Variants in NINL observed in about 807,000 individuals in gnomAD.
NINL encodes the protein ninein like.
In NINL, 153 loss-of-function variants were observed where a neutral mutation model predicts 160.3. That is an observed-to-expected ratio of 0.95 (90% CI 0.84 to 1.09). NINL has a LOEUF of 1.09. Ranked by LOEUF, NINL falls within the 50% of genes least tolerant of loss-of-function variation. NINL has a pLI of 0.00. For synonymous variants in NINL, 800 were observed against 734.8 expected (o/e 1.09, Z -1.43); for missense variants, 1,829 against 1,764.0 (o/e 1.04, Z -0.66).
intron 1 of NINL, among the ~76,000 whole-genome samples, chr20:25,535,773 C>A (rs1020986360): frequency 6.6e-6 from 1 of 152,150 alleles, no homozygotes; most frequent in African/African-American, 2.4e-5. Flanking sequence ...TCTCCTACAG[C>A]ACTTTTATCT....
At chr20:25,454,337 G>A (rs1270215962) in intron 23 of NINL, among the ~76,000 whole-genome samples, 1 of 152,198 alleles carries the variant, frequency 6.6e-6, no homozygotes, top group African/African-American at 2.4e-5. Flanking sequence ...AGGACAGGCA[G>A]TACTGAGGCC....
chr20:25,539,349 G>C (rs2064619330), intron 1 of NINL, among the ~76,000 whole-genome samples: 1 of 152,238 alleles, frequency 6.6e-6, no homozygotes, highest in African/African-American at 2.4e-5. Context: ...CCAGCAACCT[G>C]GCCCATACCT....
chr20:25,506,415 A>G (rs2063962884), intron 5 of NINL, among the ~76,000 whole-genome samples: 1 of 152,252 alleles, frequency 6.6e-6, no homozygotes, highest in Non-Finnish European at 1.5e-5. Context: ...CTATGACAGC[A>G]GCCTGCCACA....
intron 19 of NINL, among the ~76,000 whole-genome samples, chr20:25,463,426 G>A (rs1328244541): frequency 6.6e-6 from 1 of 152,176 alleles, no homozygotes; most frequent in Non-Finnish European, 1.5e-5. Context: ...AGGGTACATA[G>A]GTTCATCAAA....
intron 1 of NINL, among the ~76,000 whole-genome samples, chr20:25,566,969 C>T (rs1376947165): frequency 7.5e-6 from 1 of 133,916 alleles, no homozygotes; most frequent in Non-Finnish European, 1.6e-5. Flanking sequence ...GCCTGGGCAA[C>T]ACAGTGAGAC....
chr20:25,537,298 G>A (rs2064575990), intron 1 of NINL, among the ~76,000 whole-genome samples: 1 of 151,988 alleles, frequency 6.6e-6, no homozygotes, highest in African/African-American at 2.4e-5. Context: ...ACCCAGGCTG[G>A]TCTCAAACTC....
At chr20:25,515,645 C>T (rs751676640) in intron 3 of NINL, among the ~76,000 whole-genome samples, 1 of 152,118 alleles carries the variant, frequency 6.6e-6, no homozygotes, top group Non-Finnish European at 1.5e-5. Context: ...ATTTAATTCC[C>T]AATGGTGGAG....
At chr20:25,495,299 C>T (rs1454759204) in intron 10 of NINL, among the ~76,000 whole-genome samples, 1 of 152,216 alleles carries the variant, frequency 6.6e-6, no homozygotes, top group Admixed American at 6.5e-5. Context: ...CTCCCATCTG[C>T]AGGCTCACCC....
At chr20:25,504,419 G>A (rs1047388557) in intron 6 of NINL, among the ~76,000 whole-genome samples, 6 of 152,212 alleles carry the variant, frequency 3.9e-5, no homozygotes, top group Non-Finnish European at 5.9e-5. Context: ...GCAAGGCCAG[G>A]CCCTGCAGTG....
rs899759756 is a variant in NINL, at chr20:25,461,566, G to A, written c.3652C>T (p.Pro1218Ser). Reference sequence around the variant, plus strand: ...AGGGTCTGGGTCAGCTCTGACCATGGCAGCTGCAGGCTCTGATGTTCCTGA... The same window carrying A: ...AGGGTCTGGGTCAGCTCTGACCATGACAGCTGCAGGCTCTGATGTTCCTGA... The part of the protein sequence containing the change: ...LNQEHQSLQL[P>S]WSELTQTLEE... Residue 1218 changes from proline (P) to serine (S), a missense_variant, in exon 21 of 24, where the codon CCA becomes TCA. Pro to Ser is a moderately conservative substitution (Grantham distance 74). Coordinates refer to ENST00000278886, the MANE Select transcript of NINL (RefSeq NM_025176.6). 1.1e-5 allele frequency: 18 copies of A among 1,605,454 alleles called. No individual in the cohort carries two copies. The highest frequency in any genetic ancestry group is 4.5e-5 in the East Asian group (2 of 44,786).
chr20:25,496,921 A>AGCGGGCACTGCTCCACCAGC, intron 9 of NINL, 118 bp from the exon 10 acceptor site: 1 of 1,320,392 alleles, frequency 7.6e-7, no homozygotes. Context: ...CCAACTATAC[A>AGCGGGCACTGCTCCACCAGC]GCGGGCACTG....
chr20:25,474,849 G>A (rs976110106), intron 17 of NINL, among the ~76,000 whole-genome samples: 1 of 151,078 alleles, frequency 6.6e-6, no homozygotes, highest in East Asian at 2.0e-4. Flanking sequence ...GCAGTGGCGC[G>A]ATCTCAAAAC....
intron 2 of NINL, among the ~76,000 whole-genome samples, chr20:25,519,894 C>G (rs1355589500): frequency 1.4e-5 from 2 of 144,770 alleles, no homozygotes; most frequent in East Asian, 4.7e-4. Context: ...GACCCAGCTA[C>G]CTGGGGGGCT....
chr20:25,576,551 C>T (rs529073083), intron 1 of NINL, among the ~76,000 whole-genome samples: 2 of 152,176 alleles, frequency 1.3e-5, no homozygotes, highest in East Asian at 1.9e-4. Flanking sequence ...CTCCACTTCC[C>T]GTGCTCAAGT....
chr20:25,482,463 C>G (rs777999393), intron 13 of NINL, among the ~76,000 whole-genome samples: 2 of 152,190 alleles, frequency 1.3e-5, no homozygotes, highest in Non-Finnish European at 2.9e-5. Flanking sequence ...CTCTGCCTCC[C>G]AAGTAGCTGG....
At chr20:25,557,515 A>G (rs988912303) in intron 1 of NINL, among the ~76,000 whole-genome samples, 9 of 152,052 alleles carry the variant, frequency 5.9e-5, no homozygotes, top group Non-Finnish European at 1.2e-4. Context: ...TGGGCAACAG[A>G]GCGAAACTCC....
intron 13 of NINL, chr20:25,488,858 C>T (rs2146658148): frequency 5.5e-6 from 1 of 182,256 alleles, no homozygotes; most frequent in Middle Eastern, 2.3e-3. Flanking sequence ...AACAAAAGCT[C>T]TTTGGGGTCC....
intron 1 of NINL, among the ~76,000 whole-genome samples, chr20:25,558,401 T>G (rs2147121652): frequency 6.6e-6 from 1 of 152,166 alleles, no homozygotes; most frequent in East Asian, 1.9e-4. Flanking sequence ...AGAGATGGGG[T>G]TTCGCCATGT....
intron 13 of NINL, among the ~76,000 whole-genome samples, chr20:25,488,257 G>A (rs1174982341): frequency 6.6e-6 from 1 of 152,108 alleles, no homozygotes; most frequent in Non-Finnish European, 1.5e-5. Flanking sequence ...ATGGAGTCTC[G>A]CTCTGTGGCC....
Sources: allele counts gnomAD v4.1 joint callset (sites outside exome capture counted in the v4.1 genomes callset), GRCh38; gene constraint gnomAD v4.1.1; transcripts MANE v1.5; gene names NCBI Gene and HGNC (gene_info 2026-07-23, HGNC 2026-07-21).